DNAH5: variants seen among roughly 807,000 people sequenced by gnomAD.
DNAH5 encodes the protein axonemal beta dynein heavy chain 5.
Under a neutral mutation model 518.2 loss-of-function variants are expected in DNAH5, and 372 were observed. The observed-to-expected ratio is 0.72, with a 90% CI of 0.66 to 0.78. DNAH5 has a LOEUF of 0.78. Ranked by LOEUF, DNAH5 falls within the 30% of genes least tolerant of loss-of-function variation. DNAH5 has a pLI of 0.00. For missense variants in DNAH5, 5,523 were observed against 5,687.0 expected (o/e 0.97, Z 0.93); for synonymous variants, 2,039 against 2,025.9 (o/e 1.01, Z -0.17).
chr5:13,977,615 C>T (rs970641218), intron 1 of DNAH5, among the ~76,000 whole-genome samples: 1 of 152,130 alleles, frequency 6.6e-6, no homozygotes, highest in African/African-American at 2.4e-5. Context: ...CCCTTTCTTG[C>T]CTCACTGGTT....
chr5:13,984,033 G>C (rs943707562), intron 1 of DNAH5, among the ~76,000 whole-genome samples: 1 of 152,138 alleles, frequency 6.6e-6, no homozygotes, highest in African/African-American at 2.4e-5. Flanking sequence ...AGATTACCCT[G>C]GGTTATCCAG....
At chr5:13,982,696 G>A (rs339420) in intron 1 of DNAH5, among the ~76,000 whole-genome samples, 642 of 10,652 alleles carry the variant, frequency 0.06, no homozygotes, top group East Asian at 0.38. Context: ...TATTGCATGA[G>A]TGAGTAGACA....
In DNAH5 at chr5:13,839,462, C is replaced by T. The variant is rs771222700; in HGVS notation, c.5776G>A (p.Glu1926Lys). Residue 1926 changes from glutamate (E) to lysine (K), a missense_variant, in exon 35 of 79, where the codon GAA (glutamate) becomes AAA (lysine). Coordinates refer to ENST00000265104, the MANE Select transcript of DNAH5 (RefSeq NM_001369.3). The part of the protein sequence containing the change: ...WLKQCRFYFN[E>K]DSDKMMIHIT... ...TGAATCATCATCTTGTCAGAATCTT[C>T]GTTAAAGTAAAATCTGCACTGTTTC... 55 of 1,613,872 alleles carry T rather than the reference C, an allele frequency of 3.4e-5. No individual in the cohort carries two copies. Among genetic ancestry groups the T allele is most frequent in the South Asian group, 2.2e-5 (2 of 91,088 alleles).
At chr5:13,913,711 A>G (rs377081071) in intron 11 of DNAH5, 32 bp downstream of exon 11, 4 of 1,611,238 alleles carry the variant, frequency 2.5e-6, no homozygotes, top group Non-Finnish European at 8.5e-7. Context: ...GTTGTGGATT[A>G]TGTTATAAAA....
At chr5:13,848,336 T>A (rs1396632899) in intron 31 of DNAH5, among the ~76,000 whole-genome samples, 1 of 152,216 alleles carries the variant, frequency 6.6e-6, no homozygotes, top group African/African-American at 2.4e-5. Flanking sequence ...AAAAGCCTCC[T>A]TAGGTTTATG....
At position 13,690,938 on chromosome 5, in the gene DNAH5, A is replaced by G. The variant is rs566197457; in HGVS notation, c.*1046T>C. 2.0e-5 allele frequency: 3 copies of G among 152,042 alleles called. No individual in the cohort carries two copies. Among genetic ancestry groups the G allele is most frequent in the African/African-American group, 7.2e-5 (3 of 41,384 alleles). The allele number at this position is 152,042 out of a possible 1,614,324, so 9.4% of individuals were successfully genotyped here. On this transcript the variant is annotated 3_prime_UTR_variant, in exon 79 of 79. Coordinates refer to ENST00000265104, the MANE Select transcript of DNAH5 (RefSeq NM_001369.3). ...TCTTATTTTTCTATCTTGCCATCTA[A>G]TCTTTGTCCACATGCAAATATATTT...
At position 13,823,338 on chromosome 5, in the gene DNAH5, C is replaced by G; in HGVS notation, c.6612G>C (p.Leu2204Phe). 2 of 1,613,866 alleles carry G rather than the reference C, an allele frequency of 1.2e-6. No individual in the cohort carries two copies. The highest frequency in any genetic ancestry group is 1.7e-6 in the Non-Finnish European group (2 of 1,179,846). Residue 2204 changes from leucine to phenylalanine, a missense_variant, in exon 40 of 79, where the codon TTG becomes TTC. By Grantham distance (22) the Leu-to-Phe change is conservative (BLOSUM62 0). Around this residue, in one of 3 missense-constraint regions of DNAH5, gnomAD observed 5,121 missense variants for 5,223.3 expected, o/e 0.98. Transcript: ENST00000265104. ...GAATATTTGGAAAGAGATCTTCAAT[C>G]AAACTCAAAAACAAGGGTTCATCCT... Reference protein sequence around the residue: ...IDEDEPLFLSLIEDLFPNILL... With the variant: ...IDEDEPLFLSFIEDLFPNILL...
chr5:13,950,666 T>A (rs4702005), intron 1 of DNAH5, among the ~76,000 whole-genome samples: 40,614 of 152,202 alleles, frequency 0.27, 6,035 homozygotes, highest in East Asian at 0.67. Context: ...TGAAGACATG[T>A]AAATTCAATT....
Position 13,784,204 on chromosome 5 carries a change from G to A in DNAH5, c.8820+1975C>T, listed in dbSNP as rs567112431. On this transcript the variant is annotated intron_variant, in intron 52 of 78. Transcript: ENST00000265104. The stretch of plus-strand genomic sequence containing the variant: ...GGTCATTCAGATTCTGTCTCCAGCA[G>A]GCAGGCTATTTGTCATGAAATTGCC... 2.0e-4 allele frequency among the ~76,000 whole-genome samples: 30 copies of A among 152,268 alleles called. No homozygotes were observed. In the South Asian group the frequency reaches 5.6e-3, roughly 28 times the overall value.
intron 51 of DNAH5, among the ~76,000 whole-genome samples, chr5:13,786,982 G>C (rs1174475441): frequency 6.6e-6 from 1 of 152,084 alleles, no homozygotes; most frequent in East Asian, 1.9e-4. Context: ...ACAAAGCAGA[G>C]GCCAAGGTGG....
At chr5:13,861,374 T>C (rs937314820) in intron 29 of DNAH5, among the ~76,000 whole-genome samples, 5 of 152,230 alleles carry the variant, frequency 3.3e-5, no homozygotes, top group Non-Finnish European at 2.9e-5. Flanking sequence ...AGAAATTTTT[T>C]TGAAATAGTA....
chr5:14,004,548 T>C (rs436457), intron 1 of DNAH5, among the ~76,000 whole-genome samples: 108,958 of 152,154 alleles, frequency 0.72, 39,230 homozygotes, highest in South Asian at 0.8. Flanking sequence ...CAGCACACTG[T>C]GGTGCAAAGA....
Position 13,842,423 on chromosome 5 carries a change from A to AAAAGAAAAG in DNAH5, c.5272-520_5272-519insCTTTTCTTT, listed in dbSNP as rs1554073317. Among the ~76,000 whole-genome samples, 223 of 75,952 alleles carry AAAAGAAAAG rather than the reference A, an allele frequency of 2.9e-3. 1 individual carries two copies. Among genetic ancestry groups the AAAAGAAAAG allele is most frequent in the Non-Finnish European group, 4.6e-3 (190 of 41,500 alleles). The allele number at this position is 75,952 out of a possible 152,430, so 49.8% of individuals were successfully genotyped here. A position where few individuals can be genotyped will look rare whatever the true frequency, so the allele number is the denominator to read the frequency against. On this transcript the variant is annotated intron_variant, in intron 32 of 78. Coordinates refer to ENST00000265104, the MANE Select transcript of DNAH5 (RefSeq NM_001369.3). Reference sequence around the variant, plus strand: ...AACAGAGCGAGAAAGAAAAGAAAAGAAAAGAAAGAAAGAAAGAAAGAAAGA... The same window carrying AAAAGAAAAG: ...AACAGAGCGAGAAAGAAAAGAAAAGAAAAGAAAAGAAAGAAAGAAAGAAAGAAAGAAAGA...
rs1580944920 is a variant in DNAH5, at chr5:13,931,034, T to A, written c.192+76A>T. 5.6e-6 allele frequency: 9 copies of A among 1,608,262 alleles called. No individual in the cohort carries two copies. In the South Asian group the frequency reaches 8.8e-5, roughly 16 times the overall value. On this transcript the variant is annotated intron_variant, in intron 2 of 78. Transcript: ENST00000265104. ...ACCTCCCTCTGGGCACAGCATGGGA[T>A]CCTGCCACAGGACTGTGTCAACAGA...
chr5:13,790,054 T>C (rs755941468), intron 50 of DNAH5, among the ~76,000 whole-genome samples: 4 of 152,160 alleles, frequency 2.6e-5, no homozygotes, highest in Admixed American at 6.6e-5. Flanking sequence ...AAATAACAGA[T>C]GCTGGCAAGG....
intron 1 of DNAH5, among the ~76,000 whole-genome samples, chr5:14,006,806 G>C (rs985300915): frequency 6.6e-6 from 1 of 152,198 alleles, no homozygotes; most frequent in Non-Finnish European, 1.5e-5. Flanking sequence ...CTGACTGACA[G>C]GAGGGCTTGG....
At chr5:13,804,230 A>C (rs140895387) in intron 47 of DNAH5, among the ~76,000 whole-genome samples, 222 of 152,372 alleles carry the variant, frequency 1.5e-3, no homozygotes, top group African/African-American at 4.9e-3. Flanking sequence ...GCTATTAATT[A>C]TTAATCTGAG....
chr5:13,723,485 A>C (rs1357223839), intron 70 of DNAH5, among the ~76,000 whole-genome samples: 1 of 152,242 alleles, frequency 6.6e-6, no homozygotes, highest in Non-Finnish European at 1.5e-5. Context: ...CATATAACTC[A>C]GCATTGACCC....
intron 5 of DNAH5, among the ~76,000 whole-genome samples, chr5:13,921,475 T>TCC (rs1554103992): frequency 9.5e-5 from 7 of 73,760 alleles, no homozygotes; most frequent in African/African-American, 1.5e-4. Flanking sequence ...TATCTCTCTC[T>TCC]CACACACACA....
Sources: gnomAD v4.1 joint callset for allele counts (sites outside exome capture counted in the v4.1 genomes callset) on GRCh38, gnomAD v4.1.1 for gene constraint, gnomAD v4.1.1 regional missense constraint, MANE v1.5 for transcripts, NCBI Gene and HGNC (gene_info 2026-07-23, HGNC 2026-07-21) for gene names.